Variants in CCDC68 observed in about 807,000 individuals in gnomAD.
The protein encoded by CCDC68 is coiled-coil domain containing 68.
Under a neutral mutation model 47.1 loss-of-function variants are expected in CCDC68, and 45 were observed. The observed-to-expected ratio is 0.96, with a 90% CI of 0.75 to 1.23. The LOEUF (loss-of-function observed/expected upper bound fraction) is 1.23. Among genes scored for constraint, CCDC68 ranks in the 50% most tolerant of loss-of-function variants. The pLI is 0.00. For missense variants in CCDC68, 353 were observed against 373.6 expected, an observed-to-expected ratio of 0.94 and a Z score of 0.45; for synonymous variants, 131 against 129.5, an observed-to-expected ratio of 1.01 and a Z score of -0.08.
In CCDC68 at chr18:54,959,407, G is replaced by C. The variant is rs2044764847; in HGVS notation, c.-174C>G. On this transcript the variant is annotated 5_prime_UTR_variant, in exon 1 of 12. Transcript: ENST00000591504. ...CTGGGCGATCGGACCTTGGGGCCAGGGTCGGCTGCCAGGGCCCTGCGAGTG... is the reference window on the plus strand; with the variant it reads ...CTGGGCGATCGGACCTTGGGGCCAGCGTCGGCTGCCAGGGCCCTGCGAGTG... The C allele has an allele frequency of 1.3e-5, 2 of 152,124 alleles. No homozygotes were observed. Among genetic ancestry groups the C allele is most frequent in the Non-Finnish European group, 2.9e-5 (2 of 68,028 alleles). The allele number at this position is 152,124 out of a possible 1,614,324, so 9.4% of individuals were successfully genotyped here. A position where few individuals can be genotyped will look rare whatever the true frequency, so the allele number is the denominator to read the frequency against.
In CCDC68 at chr18:54,902,146, T is replaced by A. The variant is rs1447136426; in HGVS notation, c.*2212A>T. The A allele has an allele frequency of 6.6e-6, 1 of 152,178 alleles. No homozygotes were observed. The highest frequency in any genetic ancestry group is 1.5e-5 in the Non-Finnish European group (1 of 68,026). 9.4% of individuals were successfully genotyped at this position (152,178 alleles called of 1,614,324 possible). On this transcript the variant is annotated 3_prime_UTR_variant, in exon 12 of 12. Transcript: ENST00000591504. ...TTTCGAGGCAAGATAGATAGTTAGG[T>A]CAGATCTCTTTCACTGTCATAATTT...
chr18:54,922,215 G>A (rs2044072549), intron 8 of CCDC68, among the ~76,000 whole-genome samples: 1 of 152,100 alleles, frequency 6.6e-6, no homozygotes, highest in African/African-American at 2.4e-5. Flanking sequence ...CTTGAGGCAC[G>A]GGAGACTGAG....
chr18:54,949,396 T>C (rs1045077762), intron 1 of CCDC68, among the ~76,000 whole-genome samples: 1 of 152,228 alleles, frequency 6.6e-6, no homozygotes, highest in Non-Finnish European at 1.5e-5. Flanking sequence ...CTAAACTTTT[T>C]GAGGCTTCGT....
At position 54,906,299 on chromosome 18, in the gene CCDC68, T is replaced by C. The variant is rs141416535; in HGVS notation, c.950+1487A>G. Among the ~76,000 whole-genome samples, 220 of 152,154 alleles carry C rather than the reference T, an allele frequency of 1.4e-3. No individual in the cohort carries two copies. In the South Asian group the frequency reaches 0.015, roughly 10 times the overall value. The stretch of plus-strand genomic sequence containing the variant: ...TCATTTCACCACTTCAATTAGGAAA[T>C]TTCCCCCATTTGGCCTTTCCCAAGT... On this transcript the variant is annotated intron_variant, in intron 11 of 11. Coordinates refer to ENST00000591504, the MANE Select transcript of CCDC68 (RefSeq NM_025214.3).
rs1913807818 is a variant in CCDC68, at chr18:54,903,632, G to A, written c.*726C>T. 1 of 152,166 alleles carries A rather than the reference G, an allele frequency of 6.6e-6. No individual in the cohort carries two copies. The highest frequency in any genetic ancestry group is 1.5e-5 in the Non-Finnish European group (1 of 68,028). 9.4% of individuals were successfully genotyped at this position (152,166 alleles called of 1,614,324 possible). Reference sequence around the variant, plus strand: ...GTCACAAAGGCAGAGGAAACCATGTGCATCCCTGTGCGTTTGTGTGTACAG... The same window carrying A: ...GTCACAAAGGCAGAGGAAACCATGTACATCCCTGTGCGTTTGTGTGTACAG... On this transcript the variant is annotated 3_prime_UTR_variant, in exon 12 of 12. Coordinates refer to ENST00000591504, the MANE Select transcript of CCDC68 (RefSeq NM_025214.3).
intron 10 of CCDC68, among the ~76,000 whole-genome samples, chr18:54,908,729 C>CT (rs1047735110): frequency 1.6e-4 from 24 of 151,592 alleles, no homozygotes; most frequent in South Asian, 6.3e-4. Context: ...GTCGAAGTGC[C>CT]TTTTTTTTTG....
chr18:54,941,075 A>G lies in CCDC68; in HGVS notation c.126T>C (p.Thr42=). 6.2e-7 allele frequency: 1 copy of G among 1,610,808 alleles called. No individual in the cohort carries two copies. The highest frequency in any genetic ancestry group is 8.5e-7 in the Non-Finnish European group (1 of 1,177,810). The change falls in exon 4 of 12, where the codon ACT becomes ACC. Residue 42 remains threonine, a synonymous_variant. Transcript: ENST00000591504. The part of the protein sequence containing the change: ...EETEYVKKIR[T]TLQKIRTQMF... ...TCTGGGTCCTGATCTTTTGCAGAGT[A>G]GTTCGAATCTAGAGAAGGAAAACAA...
intron 11 of CCDC68, among the ~76,000 whole-genome samples, chr18:54,905,278 G>A (rs1913922129): frequency 6.7e-6 from 1 of 150,108 alleles, no homozygotes; most frequent in African/African-American, 2.5e-5. Context: ...GAGAATGAAA[G>A]GAAGTGGAGG....
chr18:54,918,486 G>T (rs1365276768), intron 9 of CCDC68, among the ~76,000 whole-genome samples: 1 of 152,186 alleles, frequency 6.6e-6, no homozygotes, highest in East Asian at 1.9e-4. Flanking sequence ...TAAGAAGAGA[G>T]GGGACACAAG....
intron 9 of CCDC68, among the ~76,000 whole-genome samples, 187 bp from the exon 10 acceptor site, chr18:54,918,183 G>A (rs1245615010): frequency 6.6e-6 from 1 of 152,228 alleles, no homozygotes; most frequent in Non-Finnish European, 1.5e-5. Context: ...ACCTGGGGCT[G>A]AAAGCCCTCA....
chr18:54,920,570 A>C (rs1035266085), intron 8 of CCDC68, among the ~76,000 whole-genome samples: 1 of 152,196 alleles, frequency 6.6e-6, no homozygotes. Context: ...AAAAAGAGTT[A>C]TTAGTTTTCA....
chr18:54,919,550 G>A (rs931678387), intron 8 of CCDC68, among the ~76,000 whole-genome samples, 174 bp from the exon 9 acceptor site: 13 of 152,110 alleles, frequency 8.5e-5, no homozygotes, highest in Admixed American at 3.3e-4. Flanking sequence ...GCTATGAAGC[G>A]GGCTCTAATT....
chr18:54,949,700 T>C (rs185034101), intron 1 of CCDC68, among the ~76,000 whole-genome samples: 1 of 152,272 alleles, frequency 6.6e-6, no homozygotes, highest in East Asian at 1.9e-4. Flanking sequence ...TCTGTATGAG[T>C]CTTGCAGGAA....
intron 1 of CCDC68, among the ~76,000 whole-genome samples, chr18:54,950,658 A>C (rs1195322807): frequency 6.6e-6 from 1 of 152,150 alleles, no homozygotes; most frequent in Non-Finnish European, 1.5e-5. Context: ...CGGAGGAAAA[A>C]TGAAATATTT....
chr18:54,915,272 G>C (rs997497639), intron 10 of CCDC68, among the ~76,000 whole-genome samples: 1 of 152,336 alleles, frequency 6.6e-6, no homozygotes, highest in South Asian at 2.1e-4. Context: ...TAGGCAGTAA[G>C]TTCCAGGAAG....
intron 8 of CCDC68, among the ~76,000 whole-genome samples, chr18:54,927,250 G>A (rs373868242): frequency 6.6e-6 from 1 of 152,048 alleles, no homozygotes; most frequent in East Asian, 1.9e-4. Context: ...CCTGGATGTT[G>A]GAAAAACCTT....
At chr18:54,957,627 A>ACTCTCTCT (rs60851819) in intron 1 of CCDC68, among the ~76,000 whole-genome samples, 30 of 143,852 alleles carry the variant, frequency 2.1e-4, no homozygotes, top group East Asian at 1.0e-3. Context: ...ACACACACAC[A>ACTCTCTCT]CTCTCTCTCT....
intron 1 of CCDC68, among the ~76,000 whole-genome samples, chr18:54,948,349 C>T (rs2044560026): frequency 6.6e-6 from 1 of 152,130 alleles, no homozygotes; most frequent in Admixed American, 6.5e-5. Context: ...TGCCAAGGAA[C>T]ACCAACGATT....
At chr18:54,939,497 G>C (rs2044401867) in intron 4 of CCDC68, among the ~76,000 whole-genome samples, 1 of 152,074 alleles carries the variant, frequency 6.6e-6, no homozygotes, top group East Asian at 2.0e-4. Flanking sequence ...TGGGACTGCA[G>C]ACCACACTTG....
Sources: gnomAD v4.1 joint callset for allele counts (sites outside exome capture counted in the v4.1 genomes callset) on GRCh38, gnomAD v4.1.1 for gene constraint, MANE v1.5 for transcripts, NCBI Gene and HGNC (gene_info 2026-07-23, HGNC 2026-07-21) for gene names.